CLIC5: variants seen among roughly 807,000 people sequenced by gnomAD.
The protein encoded by CLIC5 is chloride intracellular channel protein 5.
A neutral mutation model predicts 24.7 loss-of-function variants in CLIC5; 20 were observed. That is an observed-to-expected ratio of 0.81 (90% CI 0.57 to 1.18). CLIC5 has a LOEUF of 1.18. Ranked by LOEUF, CLIC5 falls within the 50% of genes most tolerant of loss-of-function variation. The pLI, the probability that CLIC5 is intolerant of heterozygous loss-of-function variation, is 0.00. For missense variants in CLIC5, 341 were observed against 326.1 expected (o/e 1.05, Z -0.35); for synonymous variants, 159 against 135.6 (o/e 1.17, Z -1.20).
intron 4 of CLIC5, chr6:45,932,929 T>A (rs1277363489): frequency 6.6e-6 from 1 of 152,234 alleles, no homozygotes; most frequent in East Asian, 1.9e-4. Context: ...TCATTGATAT[T>A]GTGTTAATAA....
intron 1 of CLIC5, among the ~76,000 whole-genome samples, chr6:45,969,538 G>A (rs536839235): frequency 2.8e-5 from 4 of 144,722 alleles, no homozygotes; most frequent in South Asian, 2.2e-4. Flanking sequence ...CCACATAGAC[G>A]ATCGGTAGGG....
intron 1 of CLIC5, among the ~76,000 whole-genome samples, chr6:46,046,164 G>T (rs1261855707): frequency 1.3e-5 from 2 of 152,180 alleles, no homozygotes; most frequent in East Asian, 1.9e-4. Flanking sequence ...AACTTGCCTT[G>T]CTTACCCCTG....
At chr6:45,944,897 C>A (rs967689398) in intron 3 of CLIC5, among the ~76,000 whole-genome samples, 3 of 152,204 alleles carry the variant, frequency 2.0e-5, no homozygotes, top group Non-Finnish European at 2.9e-5. Flanking sequence ...CTCTCTCTCT[C>A]CCTTCTCCAT....
At chr6:45,970,563 CCA>C (rs1008430414) in intron 1 of CLIC5, among the ~76,000 whole-genome samples, 1 of 152,080 alleles carries the variant, frequency 6.6e-6, no homozygotes, top group African/African-American at 2.4e-5. Context: ...AGTAATTATA[CCA>C]CACACACACA....
intron 1 of CLIC5, among the ~76,000 whole-genome samples, chr6:45,998,252 C>T (rs1766223984): frequency 6.6e-6 from 1 of 152,216 alleles, no homozygotes; most frequent in Non-Finnish European, 1.5e-5. Flanking sequence ...GTGGAAACTT[C>T]CTAGCTACCT....
At chr6:46,050,782 G>A (rs1409798662) in intron 1 of CLIC5, among the ~76,000 whole-genome samples, 2 of 151,776 alleles carry the variant, frequency 1.3e-5, no homozygotes, top group Non-Finnish European at 2.9e-5. Context: ...TTTTTTCTTG[G>A]CGATTTTAAG....
intron 1 of CLIC5, among the ~76,000 whole-genome samples, chr6:46,032,863 G>A (rs181139647): frequency 4.0e-4 from 59 of 146,092 alleles, no homozygotes; most frequent in Non-Finnish European, 1.1e-4. Flanking sequence ...GAGGGGAGCA[G>A]AGGAAGCAGT....
chr6:46,123,059 G>C, the CLIC5 span: 2 of 152,184 alleles, frequency 1.3e-5, no homozygotes, highest in Non-Finnish European at 2.9e-5. Flanking sequence ...GAAAGAGAGG[G>C]AATCCTCCCT....
chr6:45,930,146 C>G (rs904283751), intron 4 of CLIC5, among the ~76,000 whole-genome samples: 5 of 152,162 alleles, frequency 3.3e-5, no homozygotes, highest in African/African-American at 1.2e-4. Context: ...ACCCTCCTCC[C>G]CACCTACCCC....
intron 1 of CLIC5, among the ~76,000 whole-genome samples, chr6:45,964,654 C>A (rs1764960447): frequency 6.6e-6 from 1 of 152,214 alleles, no homozygotes; most frequent in African/African-American, 2.4e-5. Flanking sequence ...ATTGCCTCAA[C>A]AACCAGACAA....
chr6:45,939,217 C>CTTTTTTTTT (rs34976541), intron 4 of CLIC5, among the ~76,000 whole-genome samples: 1 of 115,780 alleles, frequency 8.6e-6, no homozygotes, highest in Non-Finnish European at 1.7e-5. Flanking sequence ...CTCCTCTCCT[C>CTTTTTTTTT]TTTTTTTTTT....
At chr6:46,002,036 A>G (rs1766381843) in intron 1 of CLIC5, among the ~76,000 whole-genome samples, 1 of 152,168 alleles carries the variant, frequency 6.6e-6, no homozygotes. Context: ...AAACTCAATC[A>G]GCAGCAGCTT....
chr6:45,927,680 C>T (rs761129618), intron 4 of CLIC5, among the ~76,000 whole-genome samples: 44 of 152,272 alleles, frequency 2.9e-4, no homozygotes, highest in Non-Finnish European at 6.0e-4. Flanking sequence ...ATTTGCTATC[C>T]CCCGAAGTTG....
chr6:46,120,434 G>A, the CLIC5 span, among the ~76,000 whole-genome samples: 3 of 152,242 alleles, frequency 2.0e-5, no homozygotes, highest in East Asian at 3.9e-4. Flanking sequence ...CCATCTGTAC[G>A]TCACCATCAT....
At chr6:46,117,468 T>G in the CLIC5 span, among the ~76,000 whole-genome samples, 6 of 152,236 alleles carry the variant, frequency 3.9e-5, no homozygotes, top group Admixed American at 3.3e-4. Context: ...TTACTCTATC[T>G]GGACTCAACC....
intron 1 of CLIC5, among the ~76,000 whole-genome samples, chr6:45,986,428 G>A (rs749114609): frequency 2.6e-5 from 4 of 152,182 alleles, no homozygotes; most frequent in Non-Finnish European, 5.9e-5. Flanking sequence ...TAAAAATCCT[G>A]CCATGCATTC....
At chr6:45,975,392 C>A (rs552506004) in intron 1 of CLIC5, among the ~76,000 whole-genome samples, 1 of 152,154 alleles carries the variant, frequency 6.6e-6, no homozygotes, top group Non-Finnish European at 1.5e-5. Flanking sequence ...GTGATGCCCA[C>A]GTGGCTCCTG....
chr6:46,121,179 G>A, the CLIC5 span, among the ~76,000 whole-genome samples: 1 of 152,162 alleles, frequency 6.6e-6, no homozygotes, highest in Non-Finnish European at 1.5e-5. Flanking sequence ...GGCAGCCAGA[G>A]AGAAAGGTCG....
intron 1 of CLIC5, among the ~76,000 whole-genome samples, chr6:46,024,692 C>A (rs76512728): frequency 0.039 from 5,989 of 152,184 alleles, 170 homozygotes; most frequent in Non-Finnish European, 0.065. Flanking sequence ...CTAATGTTTG[C>A]AACTGGACAT....
Sources: allele counts gnomAD v4.1 joint callset (sites outside exome capture counted in the v4.1 genomes callset), GRCh38; gene constraint gnomAD v4.1.1; transcripts MANE v1.5; gene names NCBI Gene and HGNC (gene_info 2026-07-23, HGNC 2026-07-21).